The following INPP4B variants were observed in gnomAD, a reference collection of about 807,000 sequenced individuals.
INPP4B encodes inositol polyphosphate 4-phosphatase type II.
In INPP4B, 55 loss-of-function variants were observed where a neutral mutation model predicts 122.5. That is an observed-to-expected ratio of 0.45 (90% confidence interval 0.36 to 0.56). The LOEUF (loss-of-function observed/expected upper bound fraction) is 0.56, where lower values mean the gene tolerates loss of function less well. Ranked by LOEUF, INPP4B falls within the 20% of genes least tolerant of loss-of-function variation. The pLI is 0.00. For missense variants in INPP4B, 1,000 were observed against 1,097.7 expected, an observed-to-expected ratio of 0.91 and a Z score of 1.26; for synonymous variants, 403 against 388.7, an observed-to-expected ratio of 1.04 and a Z score of -0.43.
chr4:142,392,156 AT>A (rs951058286), intron 7 of INPP4B, among the ~76,000 whole-genome samples: 1 of 152,172 alleles, frequency 6.6e-6, no homozygotes, highest in African/African-American at 2.4e-5. Context: ...ACAACTGAGA[AT>A]GGTCCCTGCA....
chr4:142,598,901 G>A (rs1300242317), intron 2 of INPP4B, among the ~76,000 whole-genome samples: 1 of 152,204 alleles, frequency 6.6e-6, no homozygotes, highest in African/African-American at 2.4e-5. Flanking sequence ...AGGGCTGCCT[G>A]TTTGGGGCTG....
intron 2 of INPP4B, among the ~76,000 whole-genome samples, chr4:142,608,146 A>G (rs116117667): frequency 0.012 from 1,756 of 152,312 alleles, 31 homozygotes; most frequent in African/African-American, 0.032. Context: ...TCTTCTAATT[A>G]TAAACAGTAG....
At chr4:142,597,569 A>T (rs1407776756) in intron 2 of INPP4B, among the ~76,000 whole-genome samples, 1 of 152,178 alleles carries the variant, frequency 6.6e-6, no homozygotes, top group Non-Finnish European at 1.5e-5. Context: ...GGTAGGATTA[A>T]ATTCTGGAAG....
At chr4:142,336,271 G>A (rs1579774063) in intron 7 of INPP4B, among the ~76,000 whole-genome samples, 1 of 152,234 alleles carries the variant, frequency 6.6e-6, no homozygotes, top group Non-Finnish European at 1.5e-5. Flanking sequence ...AAAAGGAGCT[G>A]TAATACTGTA....
At chr4:142,124,325 T>C (rs1219761288) in intron 19 of INPP4B, among the ~76,000 whole-genome samples, 1 of 152,090 alleles carries the variant, frequency 6.6e-6, no homozygotes, top group Non-Finnish European at 1.5e-5. Flanking sequence ...ACCACTTCCT[T>C]CACGGACTTC....
intron 2 of INPP4B, among the ~76,000 whole-genome samples, chr4:142,500,955 C>A (rs1212672410): frequency 6.6e-6 from 1 of 152,092 alleles, no homozygotes; most frequent in African/African-American, 2.4e-5. Flanking sequence ...ATCTGCCATA[C>A]AATATTCTGC....
chr4:142,675,676 C>T lies in INPP4B; in HGVS notation c.-191+50163G>A, dbSNP rs150985217. Among the ~76,000 whole-genome samples the T allele has an allele frequency of 9.4e-3, 1,424 of 152,128 alleles. 20 individuals are homozygous for T. Among genetic ancestry groups the T allele is most frequent in the African/African-American group, 0.032 (1,345 of 41,526 alleles). On this transcript the variant is annotated intron_variant, in intron 2 of 25. Transcript: ENST00000262992. ...AATCAAGTCAGCTTCATCCCTGGGA[C>T]GCAAGTCTGGTTCAACATACATAAT...
chr4:142,685,004 T>C (rs1408081349), intron 2 of INPP4B, among the ~76,000 whole-genome samples: 3 of 152,038 alleles, frequency 2.0e-5, no homozygotes, highest in Non-Finnish European at 4.4e-5. Flanking sequence ...ATTTCTAAAA[T>C]TTAATTTATT....
intron 1 of INPP4B, among the ~76,000 whole-genome samples, chr4:142,764,790 G>A (rs1205908275): frequency 6.6e-6 from 1 of 151,762 alleles, no homozygotes; most frequent in Non-Finnish European, 1.5e-5. Flanking sequence ...GGTCTAGCAT[G>A]TGTATCTGGA....
At chr4:142,693,082 TA>T (rs1180577374) in intron 2 of INPP4B, among the ~76,000 whole-genome samples, 1 of 152,048 alleles carries the variant, frequency 6.6e-6, no homozygotes, top group Non-Finnish European at 1.5e-5. Context: ...TATTTTTCCT[TA>T]GGGAATCCCC....
At chr4:142,641,101 C>T (rs774484440) in intron 2 of INPP4B, among the ~76,000 whole-genome samples, 3 of 151,998 alleles carry the variant, frequency 2.0e-5, no homozygotes, top group Non-Finnish European at 2.9e-5. Flanking sequence ...TGCACATACA[C>T]GAGCCCCAAG....
At chr4:142,035,302 A>G (rs1335349401) in intron 25 of INPP4B, among the ~76,000 whole-genome samples, 1 of 152,206 alleles carries the variant, frequency 6.6e-6, no homozygotes, top group African/African-American at 2.4e-5. Flanking sequence ...AGGATGAATG[A>G]GATCGTCCCA....
In INPP4B at chr4:142,197,827, G is replaced by T. The variant is rs943515880; in HGVS notation, c.1073-4632C>A. On this transcript the variant is annotated intron_variant, in intron 14 of 25. Coordinates refer to ENST00000262992, the MANE Select transcript of INPP4B (RefSeq NM_001101669.3). The stretch of plus-strand genomic sequence containing the variant: ...CCCCAACTTTATAGATAATAAAACA[G>T]ATTTTCCATGAGATTAAATAATGTG... 2.0e-5 allele frequency among the ~76,000 whole-genome samples: 3 copies of T among 151,992 alleles called. No homozygotes were observed. In the East Asian group the frequency reaches 5.8e-4, roughly 29 times the overall value.
intron 11 of INPP4B, among the ~76,000 whole-genome samples, chr4:142,255,267 C>T (rs1307262539): frequency 5.3e-5 from 8 of 152,018 alleles, no homozygotes; most frequent in Admixed American, 3.3e-4. Context: ...AATGTAAAGA[C>T]CATCGAGACT....
chr4:142,077,272 A>G (rs370031833), intron 25 of INPP4B, among the ~76,000 whole-genome samples: 1 of 152,096 alleles, frequency 6.6e-6, no homozygotes, highest in African/African-American at 2.4e-5. Context: ...CATATTAACT[A>G]TCCTAATTTT....
Position 142,605,139 on chromosome 4 carries a change from C to T in INPP4B, c.-191+120700G>A, listed in dbSNP as rs546198830. Among the ~76,000 whole-genome samples, 33 of 151,972 alleles carry T rather than the reference C, an allele frequency of 2.2e-4. No homozygotes were observed. The South Asian group carries it at 5.2e-3, about 24-fold the overall frequency. On this transcript the variant is annotated intron_variant, in intron 2 of 25. Coordinates refer to ENST00000262992, the MANE Select transcript of INPP4B (RefSeq NM_001101669.3). Reference sequence around the variant, plus strand: ...TGGAGTCAACCTACCAAGACTGACTCCAAATAAACAAAAATTGTGACCTGA... The same window carrying T: ...TGGAGTCAACCTACCAAGACTGACTTCAAATAAACAAAAATTGTGACCTGA...
At chr4:142,042,953 T>C (rs1415164254) in intron 25 of INPP4B, among the ~76,000 whole-genome samples, 2 of 152,160 alleles carry the variant, frequency 1.3e-5, no homozygotes, top group Non-Finnish European at 2.9e-5. Context: ...TGGAGCGAAC[T>C]ATGAACTGGC....
At chr4:142,792,829 TTGAAAATGAAG>T (rs1409478510) in intron 1 of INPP4B, among the ~76,000 whole-genome samples, 3 of 152,008 alleles carry the variant, frequency 2.0e-5, no homozygotes, top group African/African-American at 7.2e-5. Flanking sequence ...TCTTTCAAAA[TTGAAAATGAAG>T]TGCCCAAGAT....
chr4:142,693,461 G>A (rs1317604910), intron 2 of INPP4B, among the ~76,000 whole-genome samples: 1 of 110,620 alleles, frequency 9.0e-6, no homozygotes, highest in Non-Finnish European at 1.7e-5. Flanking sequence ...CATTTAGCTG[G>A]CTATCTTAAA....
Sources: allele counts gnomAD v4.1 joint callset (sites outside exome capture counted in the v4.1 genomes callset), GRCh38; gene constraint gnomAD v4.1.1; transcripts MANE v1.5; gene names NCBI Gene and HGNC (gene_info 2026-07-23, HGNC 2026-07-21).